Variants in ARHGAP26 observed in about 807,000 individuals in gnomAD.
ARHGAP26 encodes rho GTPase-activating protein 26.
Under a neutral mutation model 104.8 loss-of-function variants are expected in ARHGAP26, and 38 were observed. That is an observed-to-expected ratio of 0.36 (90% CI 0.28 to 0.48). The LOEUF (loss-of-function observed/expected upper bound fraction) is 0.48, where lower values mean the gene tolerates loss of function less well. ARHGAP26 is among the 20% of genes least tolerant of loss of function. The pLI is 0.99. For synonymous variants in ARHGAP26, 341 were observed against 340.0 expected, an observed-to-expected ratio of 1.00 and a Z score of -0.03; for missense variants, 704 against 947.9, an observed-to-expected ratio of 0.74 and a Z score of 3.38.
chr5:143,173,388 A>G (rs1803047188), intron 20 of ARHGAP26, among the ~76,000 whole-genome samples: 1 of 152,190 alleles, frequency 6.6e-6, no homozygotes, highest in African/African-American at 2.4e-5. Context: ...TGCAGGAGCC[A>G]CGAGGGCCTA....
At chr5:142,928,014 TACTC>T (rs1433803960) in intron 10 of ARHGAP26, among the ~76,000 whole-genome samples, 1 of 152,218 alleles carries the variant, frequency 6.6e-6, no homozygotes, top group Non-Finnish European at 1.5e-5. Flanking sequence ...CATTTTTTCT[TACTC>T]ACTTGTAGGC....
chr5:143,035,242 T>C (rs1782437154), intron 12 of ARHGAP26, among the ~76,000 whole-genome samples: 1 of 152,204 alleles, frequency 6.6e-6, no homozygotes, highest in South Asian at 2.1e-4. Context: ...AAAAAATGTT[T>C]TAAAATCTTC....
intron 20 of ARHGAP26, among the ~76,000 whole-genome samples, chr5:143,206,793 C>T (rs1192670227): frequency 6.6e-6 from 1 of 152,210 alleles, no homozygotes; most frequent in African/African-American, 2.4e-5. Flanking sequence ...TCTGCTGAGA[C>T]GTAACCTGAA....
chr5:142,863,052 T>G (rs1753643810), intron 1 of ARHGAP26, among the ~76,000 whole-genome samples: 1 of 151,824 alleles, frequency 6.6e-6, no homozygotes, highest in African/African-American at 2.4e-5. Flanking sequence ...AAAGATACTT[T>G]GGGAGGGATC....
At position 143,084,508 on chromosome 5, in the gene ARHGAP26, G is replaced by T. The variant is rs3776324; in HGVS notation, c.1538+26761G>T. Among the ~76,000 whole-genome samples the T allele has an allele frequency of 7.3e-3, 1,108 of 152,316 alleles. 28 individuals are homozygous for T. In the East Asian group the frequency reaches 0.075, roughly 10 times the overall value. ...AAGGTTTATGGCCTGAGTTTCCACA[G>T]ATTTGGAGGGAGGCGTGTTTTTAAC... On this transcript the variant is annotated intron_variant, in intron 17 of 22. Coordinates refer to ENST00000645722, the MANE Select transcript of ARHGAP26 (RefSeq NM_001135608.3).
At chr5:143,183,382 A>C (rs990092401) in intron 20 of ARHGAP26, among the ~76,000 whole-genome samples, 3 of 152,154 alleles carry the variant, frequency 2.0e-5, no homozygotes, top group African/African-American at 7.2e-5. Flanking sequence ...AGATAATGAG[A>C]GCCGTGTGCT....
At chr5:142,837,097 G>A (rs1769729797) in intron 1 of ARHGAP26, among the ~76,000 whole-genome samples, 1 of 152,202 alleles carries the variant, frequency 6.6e-6, no homozygotes, top group South Asian at 2.1e-4. Context: ...TCTGTAGTCA[G>A]TACTCTTTCT....
rs376981664 is a variant in ARHGAP26 at position 142,873,029 on chromosome 5, G to A, written c.155-371G>A. Among the ~76,000 whole-genome samples the A allele has an allele frequency of 2.0e-5, 3 of 152,158 alleles. No individual in the cohort carries two copies. The East Asian group carries it at 5.8e-4, about 29-fold the overall frequency. The stretch of plus-strand genomic sequence containing the variant: ...GGGAAACTGCACTGACTGTGTGGAG[G>A]GTCAGTGGCAGAGCAGACCTGCAGG... On this transcript the variant is annotated intron_variant, in intron 1 of 22. Coordinates refer to ENST00000645722, the MANE Select transcript of ARHGAP26 (RefSeq NM_001135608.3).
At chr5:143,187,982 T>C (rs3776230) in intron 20 of ARHGAP26, among the ~76,000 whole-genome samples, 35,067 of 152,078 alleles carry the variant, frequency 0.23, 5,090 homozygotes, top group African/African-American at 0.42. Flanking sequence ...GAGCATTCCA[T>C]CTCACAGGAC....
chr5:143,013,938 A>G (rs1779221907), intron 11 of ARHGAP26, 142 bp from the exon 12 acceptor site: 4 of 719,240 alleles, frequency 5.6e-6, no homozygotes, highest in South Asian at 5.1e-5. Context: ...TAATTATTGA[A>G]TGGGTTCATG....
intron 11 of ARHGAP26, among the ~76,000 whole-genome samples, chr5:142,940,904 G>A (rs1598326079): frequency 6.6e-6 from 1 of 151,562 alleles, no homozygotes; most frequent in Admixed American, 6.6e-5. Context: ...GTGAAACCTG[G>A]TCTCTGCTAA....
rs968929043 is a variant in ARHGAP26 at position 142,846,068 on chromosome 5, A to G, written c.155-27332A>G. Among the ~76,000 whole-genome samples the G allele has an allele frequency of 1.2e-4, 18 of 152,176 alleles. 1 individual carries two copies. Among genetic ancestry groups the G allele is most frequent in the Non-Finnish European group, 2.6e-4 (18 of 68,020 alleles). The stretch of plus-strand genomic sequence containing the variant: ...GTGAAACTGGCTACCTAAGGTATCC[A>G]TGTGTGAAAGCCACGCATTAGTTTC... On this transcript the variant is annotated intron_variant, in intron 1 of 22. Coordinates refer to ENST00000645722, the MANE Select transcript of ARHGAP26 (RefSeq NM_001135608.3).
At chr5:142,877,239 C>G (rs1360120256) in intron 3 of ARHGAP26, among the ~76,000 whole-genome samples, 3 of 152,170 alleles carry the variant, frequency 2.0e-5, no homozygotes, top group African/African-American at 7.2e-5. Flanking sequence ...TGCCCTGTGA[C>G]AACTCCATCA....
chr5:142,868,178 G>T (rs1754662227), intron 1 of ARHGAP26: 2 of 152,734 alleles, frequency 1.3e-5, no homozygotes, highest in Admixed American at 6.5e-5. Context: ...CCTGATTAGA[G>T]AAGTCAGGGA....
chr5:142,929,126 A>G (rs1030470428), intron 10 of ARHGAP26, among the ~76,000 whole-genome samples: 1 of 152,086 alleles, frequency 6.6e-6, no homozygotes, highest in Non-Finnish European at 1.5e-5. Context: ...TTTAGTAGAG[A>G]CAGGGTTTCA....
chr5:142,999,185 C>G (rs1435818812), intron 11 of ARHGAP26, among the ~76,000 whole-genome samples: 1 of 152,164 alleles, frequency 6.6e-6, no homozygotes, highest in Non-Finnish European at 1.5e-5. Flanking sequence ...CACAGTAAGG[C>G]AGTGACTGAT....
At chr5:142,880,371 G>A (rs1332350837) in intron 4 of ARHGAP26, among the ~76,000 whole-genome samples, 1 of 152,108 alleles carries the variant, frequency 6.6e-6, no homozygotes, top group African/African-American at 2.4e-5. Flanking sequence ...AGAAAAATTA[G>A]CTGGGCATGG....
chr5:143,119,489 C>T (rs1359553383), intron 17 of ARHGAP26, among the ~76,000 whole-genome samples: 2 of 152,202 alleles, frequency 1.3e-5, no homozygotes, highest in Admixed American at 6.5e-5. Context: ...GTCTCTCCCC[C>T]TTGCCAGGTC....
chr5:142,809,537 G>C (rs145210336), intron 1 of ARHGAP26, among the ~76,000 whole-genome samples: 2 of 152,336 alleles, frequency 1.3e-5, no homozygotes, highest in African/African-American at 4.8e-5. Context: ...GTGAGTCCCG[G>C]TGGTTCAGGG....
Sources: allele counts gnomAD v4.1 joint callset (sites outside exome capture counted in the v4.1 genomes callset), GRCh38; gene constraint gnomAD v4.1.1; transcripts MANE v1.5; gene names NCBI Gene and HGNC (gene_info 2026-07-23, HGNC 2026-07-21).